Variants in ROCK2 observed in about 807,000 individuals in gnomAD.
ROCK2 encodes Rho associated coiled-coil containing protein kinase 2.
In ROCK2, 61 loss-of-function variants were observed where a neutral mutation model predicts 195.1. The ratio of observed to expected loss-of-function variants is 0.31; its 90% CI spans 0.25 to 0.39. The LOEUF (loss-of-function observed/expected upper bound fraction) is 0.39. Ranked by LOEUF, ROCK2 falls within the 10% of genes least tolerant of loss-of-function variation. ROCK2 has a pLI of 1.00. For synonymous variants in ROCK2, 504 were observed against 545.5 expected, an observed-to-expected ratio of 0.92 and a Z score of 1.06; for missense variants, 1,109 against 1,637.4, an observed-to-expected ratio of 0.68 and a Z score of 5.57.
rs80087389 is a variant in ROCK2, at chr2:11,276,307, G to A, written c.324+10232C>T. On this transcript the variant is annotated intron_variant, in intron 3 of 32. Coordinates refer to ENST00000315872, the MANE Select transcript of ROCK2 (RefSeq NM_004850.5). ...CTAAAGATCCCACCTCCCAAAAAATGTATTAGAATAAGTTAGGCAAAATTG... is the reference window on the plus strand; with the variant it reads ...CTAAAGATCCCACCTCCCAAAAAATATATTAGAATAAGTTAGGCAAAATTG... Among the ~76,000 whole-genome samples, 9 of 152,194 alleles carry A rather than the reference G, an allele frequency of 5.9e-5. No individual in the cohort carries two copies. The East Asian group carries it at 1.7e-3, about 29-fold the overall frequency.
At chr2:11,324,927 TC>T (rs143843111) in intron 1 of ROCK2, among the ~76,000 whole-genome samples, 6,463 of 152,310 alleles carry the variant, frequency 0.042, 276 homozygotes, top group Non-Finnish European at 0.06. Flanking sequence ...TTACCATTTT[TC>T]CATTAGCCAA....
chr2:11,258,864 T>C (rs1411606640), intron 3 of ROCK2, among the ~76,000 whole-genome samples: 1 of 149,986 alleles, frequency 6.7e-6, no homozygotes, highest in Non-Finnish European at 1.5e-5. Context: ...GATGTGTGGA[T>C]CCTGGAAAGG....
intron 4 of ROCK2, among the ~76,000 whole-genome samples, chr2:11,237,736 T>G (rs1428838837): frequency 6.6e-6 from 1 of 152,190 alleles, no homozygotes; most frequent in African/African-American, 2.4e-5. Flanking sequence ...AATTTTATAA[T>G]TGACAGACCA....
chr2:11,209,536 G>A (rs1664178066), intron 18 of ROCK2, among the ~76,000 whole-genome samples: 1 of 152,174 alleles, frequency 6.6e-6, no homozygotes, highest in Non-Finnish European at 1.5e-5. Flanking sequence ...ATAGGATTAT[G>A]AGTAATCTTT....
At chr2:11,259,515 G>A (rs1666149307) in intron 3 of ROCK2, among the ~76,000 whole-genome samples, 1 of 151,078 alleles carries the variant, frequency 6.6e-6, no homozygotes, top group South Asian at 2.1e-4. Flanking sequence ...TTTCTCCTTG[G>A]GCAGGTCATT....
intron 3 of ROCK2, among the ~76,000 whole-genome samples, chr2:11,252,973 A>AT (rs1186116630): frequency 2.2e-5 from 3 of 138,648 alleles, no homozygotes; most frequent in African/African-American, 8.2e-5. Context: ...AATAATAATA[A>AT]TAATAATAAT....
At chr2:11,320,232 T>C (rs1668360472) in intron 1 of ROCK2, among the ~76,000 whole-genome samples, 1 of 152,218 alleles carries the variant, frequency 6.6e-6, no homozygotes, top group South Asian at 2.1e-4. Context: ...TTTTTTTAAG[T>C]AGTCTTCATT....
chr2:11,187,539 C>T (rs756936627), intron 32 of ROCK2, among the ~76,000 whole-genome samples: 3 of 152,144 alleles, frequency 2.0e-5, no homozygotes, highest in Non-Finnish European at 4.4e-5. Flanking sequence ...CTTTTTTTTA[C>T]ATTTAACAGC....
At chr2:11,328,382 T>C (rs200320102) in intron 1 of ROCK2, among the ~76,000 whole-genome samples, 4 of 152,230 alleles carry the variant, frequency 2.6e-5, no homozygotes, top group Admixed American at 2.6e-4. Flanking sequence ...ATATAGGCTG[T>C]TATACACATA....
intron 4 of ROCK2, among the ~76,000 whole-genome samples, chr2:11,247,472 A>C (rs1039907290): frequency 1.3e-5 from 2 of 152,140 alleles, no homozygotes; most frequent in Non-Finnish European, 2.9e-5. Flanking sequence ...TTATAATCGG[A>C]TTTACTTTTT....
At chr2:11,308,828 C>A in intron 1 of ROCK2, 2 of 1,611,590 alleles carry the variant, frequency 1.2e-6, no homozygotes, top group South Asian at 2.2e-5. Context: ...TAAACTTGGG[C>A]CAAATGTAAT....
chr2:11,276,975 C>T (rs919092653), intron 3 of ROCK2, among the ~76,000 whole-genome samples: 3 of 151,974 alleles, frequency 2.0e-5, no homozygotes, highest in Non-Finnish European at 4.4e-5. Context: ...TATTAATAGA[C>T]TTTATTTTTT....
intron 1 of ROCK2, among the ~76,000 whole-genome samples, chr2:11,292,696 T>C (rs1251853415): frequency 2.0e-5 from 3 of 152,222 alleles, no homozygotes; most frequent in Non-Finnish European, 4.4e-5. Context: ...GTTATTTAAA[T>C]GAATTTGTAA....
In ROCK2 at chr2:11,212,521, G is replaced by A. The variant is rs942500904; in HGVS notation, c.2044-681C>T. On this transcript the variant is annotated intron_variant, in intron 17 of 32. Coordinates refer to ENST00000315872, the MANE Select transcript of ROCK2 (RefSeq NM_004850.5). ...GTACTTAGTTGGTTCTCTCCATTCT[G>A]CTTGCATCCTTTCTGTTGCTCCTGA... Among the ~76,000 whole-genome samples the A allele has an allele frequency of 3.3e-5, 5 of 151,850 alleles. No individual in the cohort carries two copies. In the South Asian group the frequency reaches 1.0e-3, roughly 32 times the overall value.
intron 4 of ROCK2, among the ~76,000 whole-genome samples, chr2:11,241,774 T>C (rs58933187): frequency 0.022 from 3,347 of 152,282 alleles, 124 homozygotes; most frequent in African/African-American, 0.076. Flanking sequence ...GGGCTGATCA[T>C]AGGTGCTATG....
intron 1 of ROCK2, among the ~76,000 whole-genome samples, chr2:11,342,139 A>C: frequency 6.6e-6 from 1 of 152,202 alleles, no homozygotes. Flanking sequence ...GCTCCAAAGG[A>C]ATAAGGGACG....
At chr2:11,218,885 T>C in intron 10 of ROCK2, 81 bp downstream of exon 10, 2 of 752,538 alleles carry the variant, frequency 2.7e-6, no homozygotes, top group Non-Finnish European at 4.3e-6. Context: ...AGCATCAAAT[T>C]AGCTTTTTAA....
At chr2:11,188,653 T>C (rs1663296981) in intron 32 of ROCK2, among the ~76,000 whole-genome samples, 1 of 151,420 alleles carries the variant, frequency 6.6e-6, no homozygotes, top group Non-Finnish European at 1.5e-5. Flanking sequence ...TGAGACGGAG[T>C]CTCACTGTCG....
At chr2:11,308,495 A>C in intron 1 of ROCK2, 1 of 1,594,100 alleles carries the variant, frequency 6.3e-7, no homozygotes, top group Non-Finnish European at 8.6e-7. Context: ...TTTCTTACCA[A>C]GGTTGCCACT....
Sources: allele counts gnomAD v4.1 joint callset (sites outside exome capture counted in the v4.1 genomes callset), GRCh38; gene constraint gnomAD v4.1.1; transcripts MANE v1.5; gene names NCBI Gene and HGNC (gene_info 2026-07-23, HGNC 2026-07-21).